ABHD6: variants seen among roughly 807,000 people sequenced by gnomAD.
The protein encoded by ABHD6 is monoacylglycerol lipase ABHD6.
A neutral mutation model predicts 38.8 loss-of-function variants in ABHD6; 33 were observed. That is an observed-to-expected ratio of 0.85 (90% CI 0.64 to 1.14). The LOEUF (loss-of-function observed/expected upper bound fraction) is 1.14, where lower values mean the gene tolerates loss of function less well. Ranked by LOEUF, ABHD6 falls within the 50% of genes most tolerant of loss-of-function variation. ABHD6 has a pLI of 0.00. For synonymous variants in ABHD6, 147 were observed against 161.6 expected, an observed-to-expected ratio of 0.91 and a Z score of 0.69; for missense variants, 380 against 422.6, an observed-to-expected ratio of 0.90 and a Z score of 0.88.
rs1327020706 is a variant in ABHD6 at position 58,266,146 on chromosome 3, T to C, written c.120-1043T>C. On this transcript the variant is annotated intron_variant, in intron 3 of 9. Coordinates refer to ENST00000478253, the MANE Select transcript of ABHD6 (RefSeq NM_001320126.2). This position sits in a 1 kb window ranked among gnomAD's most constrained non-coding sequence, Gnocchi z 4.0. ...GTAGGCAATGCAGTCATTAAAAAAG[T>C]TTCAAAAGAAACCAACCAGGTGCGG... Among the ~76,000 whole-genome samples the C allele has an allele frequency of 6.6e-6, 1 of 152,106 alleles. No homozygotes were observed. The highest frequency in any genetic ancestry group is 1.5e-5 in the Non-Finnish European group (1 of 68,016).
In ABHD6 at chr3:58,256,491, C is replaced by G; in HGVS notation, c.-25-71C>G. ...ACTCTGGGAACTTCACTTTTCTTGT[C>G]CCCTTTACTTCTTCGCCTTTTTTCC... On this transcript the variant is annotated intron_variant, in intron 2 of 9. Transcript: ENST00000478253. The surrounding 1 kb of genome is among the most constrained non-coding windows in gnomAD (Gnocchi z 4.3). The G allele has an allele frequency of 1.1e-6, 1 of 881,556 alleles. No homozygotes were observed. The highest frequency in any genetic ancestry group is 1.8e-6 in the Non-Finnish European group (1 of 562,832). 54.6% of individuals were successfully genotyped at this position (881,556 alleles called of 1,614,324 possible). A position where few individuals can be genotyped will look rare whatever the true frequency, so the allele number is the denominator to read the frequency against.
At position 58,294,314 on chromosome 3, in the gene ABHD6, C is replaced by G. The variant is rs184659036; in HGVS notation, c.*549C>G. ...TGGCAAGCTGTAGAAAATGTTTACACGCATGGAGGGGCATTGCTCTAGCCC... is the reference window on the plus strand; with the variant it reads ...TGGCAAGCTGTAGAAAATGTTTACAGGCATGGAGGGGCATTGCTCTAGCCC... On this transcript the variant is annotated 3_prime_UTR_variant, in exon 10 of 10. Transcript: ENST00000478253. The G allele has an allele frequency of 6.5e-6, 1 of 153,162 alleles. No homozygotes were observed. Among genetic ancestry groups the G allele is most frequent in the African/African-American group, 2.4e-5 (1 of 41,442 alleles). 9.5% of individuals were successfully genotyped at this position (153,162 alleles called of 1,614,324 possible). A position where few individuals can be genotyped will look rare whatever the true frequency, so the allele number is the denominator to read the frequency against.
intron 2 of ABHD6, among the ~76,000 whole-genome samples, chr3:58,255,791 C>T (rs1158416707): frequency 6.6e-6 from 1 of 151,940 alleles, no homozygotes; most frequent in Admixed American, 6.6e-5. Flanking sequence ...ATTACAGTCA[C>T]CTGCCACCAC....
intron 6 of ABHD6, among the ~76,000 whole-genome samples, chr3:58,274,049 A>G (rs1010225064): frequency 1.3e-5 from 2 of 152,162 alleles, no homozygotes; most frequent in African/African-American, 2.4e-5. Context: ...AGCAATCTCA[A>G]TTTTGCTCTC....
In ABHD6 at chr3:58,256,618, T is replaced by C. The variant is rs752589021; in HGVS notation, c.32T>C (p.Ile11Thr). The change falls in exon 3 of 10, where the codon ATT becomes ACT. Residue 11 changes from isoleucine to threonine, a missense_variant. By Grantham distance (89) the Ile-to-Thr change is moderately conservative. Coordinates refer to ENST00000478253, the MANE Select transcript of ABHD6 (RefSeq NM_001320126.2). This position sits in a 1 kb window ranked among gnomAD's most constrained non-coding sequence, Gnocchi z 4.3. ...CTTGATGTGGTTAACATGTTTGTGATTGCGGGCGGCACGCTGGCCATCCCA... is the reference window on the plus strand; with the variant it reads ...CTTGATGTGGTTAACATGTTTGTGACTGCGGGCGGCACGCTGGCCATCCCA... MDLDVVNMFVIAGGTLAIPIL... is the reference protein window; with the variant it reads MDLDVVNMFVTAGGTLAIPIL... 6.2e-7 allele frequency: 1 copy of C among 1,614,142 alleles called. No individual in the cohort carries two copies. The highest frequency in any genetic ancestry group is 1.7e-5 in the Admixed American group (1 of 60,018).
At chr3:58,239,995 A>G (rs551030334) in intron 1 of ABHD6, among the ~76,000 whole-genome samples, 1 of 151,440 alleles carries the variant, frequency 6.6e-6, no homozygotes, top group African/African-American at 2.4e-5. Flanking sequence ...ACCAAAAAAA[A>G]AAAAAAATTA....
At chr3:58,250,713 G>A (rs1221421207) in intron 2 of ABHD6, among the ~76,000 whole-genome samples, 1 of 152,056 alleles carries the variant, frequency 6.6e-6, no homozygotes, top group African/African-American at 2.4e-5. Context: ...GGGTTTTTAG[G>A]TATTAGTTTT....
At chr3:58,271,703 G>C (rs2097444982) in intron 6 of ABHD6, among the ~76,000 whole-genome samples, 1 of 140,498 alleles carries the variant, frequency 7.1e-6, no homozygotes, top group Non-Finnish European at 1.5e-5. Flanking sequence ...CTTTAGAGTT[G>C]TATTTATAAT....
intron 7 of ABHD6, among the ~76,000 whole-genome samples, chr3:58,278,905 G>C (rs889743594): frequency 1.3e-5 from 2 of 152,192 alleles, no homozygotes; most frequent in African/African-American, 4.8e-5. Context: ...ATGTAGTTGT[G>C]CAATTTTGAG....
intron 1 of ABHD6, among the ~76,000 whole-genome samples, chr3:58,240,036 C>G (rs1020499347): frequency 6.6e-6 from 1 of 151,542 alleles, no homozygotes; most frequent in South Asian, 2.1e-4. Context: ...CCTGTAGTCC[C>G]GGCTACTTGG....
chr3:58,280,323 CTTTAT>C (rs752442793), intron 7 of ABHD6, among the ~76,000 whole-genome samples: 3 of 151,978 alleles, frequency 2.0e-5, no homozygotes, highest in Admixed American at 1.3e-4. Flanking sequence ...TGTCTTCTCA[CTTTAT>C]TTTATTAATT....
At chr3:58,246,062 G>T (rs1193339254) in intron 1 of ABHD6, among the ~76,000 whole-genome samples, 2 of 152,176 alleles carry the variant, frequency 1.3e-5, no homozygotes, top group African/African-American at 2.4e-5. Flanking sequence ...GGGGTGACCT[G>T]GCTGATGACA....
chr3:58,271,389 G>A (rs187731124), intron 6 of ABHD6, among the ~76,000 whole-genome samples: 93 of 151,302 alleles, frequency 6.1e-4, no homozygotes, highest in African/African-American at 2.2e-3. Flanking sequence ...ATAGTGCTTT[G>A]CAGCACATAC....
rs575132486 is a variant in ABHD6 at position 58,264,647 on chromosome 3, TG to T, written c.120-2541del. ...ACAGGGCTGCAGTGAACCGTGATTG[TG>T]TCACTGCACTCCAGCCTGGGTGACA... On this transcript the variant is annotated intron_variant, in intron 3 of 9. Transcript: ENST00000478253. Among the ~76,000 whole-genome samples the T allele has an allele frequency of 1.8e-3, 273 of 152,220 alleles. 3 individuals carry two copies. The highest frequency in any genetic ancestry group is 2.2e-3 in the Non-Finnish European group (151 of 68,008).
intron 7 of ABHD6, among the ~76,000 whole-genome samples, chr3:58,277,330 C>T (rs2097449484): frequency 6.6e-6 from 1 of 152,178 alleles, no homozygotes; most frequent in Admixed American, 6.5e-5. Flanking sequence ...AGGTCCTTCA[C>T]ATCCCTTGTA....
At chr3:58,252,831 C>G (rs2097430916) in intron 2 of ABHD6, among the ~76,000 whole-genome samples, 1 of 152,188 alleles carries the variant, frequency 6.6e-6, no homozygotes. Flanking sequence ...GAAATAAACA[C>G]CAGCATGGCA....
chr3:58,291,620 C>T (rs1014747162), intron 9 of ABHD6, among the ~76,000 whole-genome samples: 1 of 152,128 alleles, frequency 6.6e-6, no homozygotes, highest in African/African-American at 2.4e-5. Flanking sequence ...AAATGGTTCC[C>T]ACAGATGTGC....
intron 6 of ABHD6, among the ~76,000 whole-genome samples, chr3:58,271,536 A>G (rs953994738): frequency 2.0e-5 from 3 of 152,004 alleles, no homozygotes; most frequent in African/African-American, 7.2e-5. Context: ...TTTTTGGTAA[A>G]AACTGAGAGA....
chr3:58,288,930 A>T (rs1192643699), intron 9 of ABHD6, among the ~76,000 whole-genome samples: 1 of 152,006 alleles, frequency 6.6e-6, no homozygotes, highest in African/African-American at 2.4e-5. Flanking sequence ...TTAATTTATG[A>T]GTTTTTTGGC....
Sources: gnomAD v4.1 joint callset for allele counts (sites outside exome capture counted in the v4.1 genomes callset) on GRCh38, gnomAD v4.1.1 for gene constraint, Gnocchi (gnomAD v3.1) non-coding constraint, MANE v1.5 for transcripts, NCBI Gene and HGNC (gene_info 2026-07-23, HGNC 2026-07-21) for gene names.